Variants in IFT88 observed in about 807,000 individuals in gnomAD.
IFT88 encodes intraflagellar transport 88, also known as intraflagellar transport protein 88 homolog.
Under a neutral mutation model 119.5 loss-of-function variants are expected in IFT88, and 74 were observed. The ratio of observed to expected loss-of-function variants is 0.62; its 90% CI spans 0.51 to 0.75. The LOEUF (loss-of-function observed/expected upper bound fraction) is 0.75, where lower values mean the gene tolerates loss of function less well. Ranked by LOEUF, IFT88 falls within the 30% of genes least tolerant of loss-of-function variation. IFT88 has a pLI of 0.00. For missense variants in IFT88, 961 were observed against 977.7 expected, an observed-to-expected ratio of 0.98 and a Z score of 0.23; for synonymous variants, 279 against 316.7, an observed-to-expected ratio of 0.88 and a Z score of 1.26.
At chr13:20,574,022 T>C (rs1185224002) in intron 1 of IFT88, among the ~76,000 whole-genome samples, 1 of 152,220 alleles carries the variant, frequency 6.6e-6, no homozygotes, top group African/African-American at 2.4e-5. Flanking sequence ...AGTTATACTT[T>C]ATTGGAATTA....
At chr13:20,601,134 G>T (rs1031053569) in intron 11 of IFT88, among the ~76,000 whole-genome samples, 1 of 152,226 alleles carries the variant, frequency 6.6e-6, no homozygotes, top group African/African-American at 2.4e-5. Flanking sequence ...GGGAGGCCGA[G>T]GCGGGCGAAT....
chr13:20,666,165 A>G (rs2140904091), intron 23 of IFT88, among the ~76,000 whole-genome samples: 1 of 152,310 alleles, frequency 6.6e-6, no homozygotes, highest in South Asian at 2.1e-4. Flanking sequence ...CCATTGGTCA[A>G]CCGTGTGATC....
intron 14 of IFT88, among the ~76,000 whole-genome samples, chr13:20,622,743 A>G (rs541969524): frequency 6.6e-6 from 1 of 152,272 alleles, no homozygotes; most frequent in Non-Finnish European, 1.5e-5. Flanking sequence ...TATCAGATGC[A>G]TGATTTGCAA....
At chr13:20,584,600 A>T (rs994394731) in intron 3 of IFT88, among the ~76,000 whole-genome samples, 1 of 152,082 alleles carries the variant, frequency 6.6e-6, no homozygotes, top group Non-Finnish European at 1.5e-5. Flanking sequence ...AGTTTTTTTC[A>T]GTATTAGTAT....
intron 22 of IFT88, among the ~76,000 whole-genome samples, chr13:20,661,521 C>T (rs2053779348): frequency 6.6e-6 from 1 of 152,062 alleles, no homozygotes; most frequent in Non-Finnish European, 1.5e-5. Flanking sequence ...GAATCACGAG[C>T]CAGGAGTTCA....
intron 14 of IFT88, among the ~76,000 whole-genome samples, chr13:20,623,660 T>C (rs1278810789): frequency 6.6e-6 from 1 of 152,096 alleles, no homozygotes; most frequent in African/African-American, 2.4e-5. Flanking sequence ...GTATTTTTAG[T>C]AGAGATGGGT....
chr13:20,625,777 A>G lies in IFT88; in HGVS notation c.1227A>G (p.Gln409=), dbSNP rs2047197064. The stretch of plus-strand genomic sequence containing the variant: ...GCGTGGAAGTGGTGAAAGCTTCTCA[A>G]TATGTAGAGCTAGCCAATGATCTGG... ...DWCVEVVKAS[Q]YVELANDLEI... Residue 409 remains glutamine (Q), a synonymous_variant, in exon 15 of 26, where the codon CAA becomes CAG. Transcript: ENST00000351808. 6.2e-7 allele frequency: 1 copy of G among 1,606,164 alleles called. No individual in the cohort carries two copies. Among genetic ancestry groups the G allele is most frequent in the Middle Eastern group, 1.7e-4 (1 of 5,804 alleles).
intron 24 of IFT88, among the ~76,000 whole-genome samples, chr13:20,680,221 C>A (rs2057158859): frequency 1.3e-5 from 2 of 152,148 alleles, no homozygotes; most frequent in South Asian, 4.1e-4. Flanking sequence ...TACATTCAGG[C>A]ACTATCGCCA....
intron 12 of IFT88, among the ~76,000 whole-genome samples, chr13:20,604,112 C>T (rs1346877489): frequency 6.6e-6 from 1 of 151,968 alleles, no homozygotes. Context: ...CATGGTGGCA[C>T]ATGTCTGTAG....
intron 20 of IFT88, among the ~76,000 whole-genome samples, chr13:20,652,634 A>G (rs912234199): frequency 6.6e-6 from 1 of 152,090 alleles, no homozygotes; most frequent in African/African-American, 2.4e-5. Flanking sequence ...AAAAAGTTAC[A>G]TACTATATGA....
Position 20,608,478 on chromosome 13 carries a change from C to T in IFT88, c.1112+3373C>T, listed in dbSNP as rs1025962484. Among the ~76,000 whole-genome samples the T allele has an allele frequency of 4.6e-5, 7 of 152,318 alleles. No individual in the cohort carries two copies. In the East Asian group the frequency reaches 5.8e-4, roughly 13 times the overall value. ...TTTCCATGTGGAATTATTCCCCAAACGGTGTATCTCAAAACACTTGTGTCT... is the reference window on the plus strand; with the variant it reads ...TTTCCATGTGGAATTATTCCCCAAATGGTGTATCTCAAAACACTTGTGTCT... On this transcript the variant is annotated intron_variant, in intron 13 of 25. Coordinates refer to ENST00000351808, the MANE Select transcript of IFT88 (RefSeq NM_006531.5).
At chr13:20,571,007 T>C (rs909700373) in intron 1 of IFT88, among the ~76,000 whole-genome samples, 1 of 152,104 alleles carries the variant, frequency 6.6e-6, no homozygotes, top group Non-Finnish European at 1.5e-5. Context: ...ATTTATTTAT[T>C]TTTTGAGACA....
chr13:20,644,776 G>A (rs2050483196), intron 19 of IFT88, 67 bp from the exon 20 acceptor site: 2 of 705,628 alleles, frequency 2.8e-6, no homozygotes, highest in Non-Finnish European at 5.0e-6. Flanking sequence ...AATAGGTAAA[G>A]TATTCAAGAA....
chr13:20,582,523 G>A (rs922947294), intron 2 of IFT88, among the ~76,000 whole-genome samples: 2 of 151,970 alleles, frequency 1.3e-5, no homozygotes, highest in African/African-American at 4.8e-5. Flanking sequence ...CCTGCTTGTA[G>A]AAAATATGGC....
chr13:20,596,133 G>A lies in IFT88; in HGVS notation c.399-17G>A, dbSNP rs760624985. The A allele has an allele frequency of 1.0e-5, 11 of 1,050,942 alleles. No individual in the cohort carries two copies. The highest frequency in any genetic ancestry group is 2.3e-4 in the Middle Eastern group (1 of 4,260). 65.1% of individuals were successfully genotyped at this position (1,050,942 alleles called of 1,614,324 possible). On this transcript the variant is annotated splice_polypyrimidine_tract_variant and intron_variant, in intron 7 of 25. Transcript: ENST00000351808. ...AGGTTGAATGATTTAAATTGTACCT[G>A]CTTTTGTCTTTAATAGCCCAGAGGA...
In IFT88 at chr13:20,607,177, G is replaced by A. The variant is rs540513210; in HGVS notation, c.1112+2072G>A. The A allele has an allele frequency of 1.2e-3, 463 of 395,638 alleles. 5 individuals are homozygous for A. Among genetic ancestry groups the A allele is most frequent in the African/African-American group, 8.2e-3 (389 of 47,636 alleles). The allele number at this position is 395,638 out of a possible 1,614,324, so 24.5% of individuals were successfully genotyped here. A position where few individuals can be genotyped will look rare whatever the true frequency, so the allele number is the denominator to read the frequency against. ...TACTGTACGTGGGGCTCCTGCTGCT[G>A]CTGCACGCCTGGCGCTTGCCCCCTG... On this transcript the variant is annotated intron_variant, in intron 13 of 25. Coordinates refer to ENST00000351808, the MANE Select transcript of IFT88 (RefSeq NM_006531.5).
chr13:20,567,742 C>G, intron 1 of IFT88: 1 of 1,307,596 alleles, frequency 7.6e-7, no homozygotes, highest in Non-Finnish European at 9.8e-7. Context: ...ATGCAGAAAG[C>G]GGTACTTAGC....
intron 14 of IFT88, 136 bp downstream of exon 14, chr13:20,616,015 GT>G (rs1481369066): frequency 4.2e-6 from 2 of 478,310 alleles, no homozygotes; most frequent in East Asian, 7.0e-5. Flanking sequence ...AATATTGTAT[GT>G]TCAGATTAAT....
chr13:20,675,623 T>C (rs1194378132), intron 24 of IFT88, among the ~76,000 whole-genome samples: 3 of 152,200 alleles, frequency 2.0e-5, no homozygotes, highest in Admixed American at 1.3e-4. Context: ...GTAAATAGTT[T>C]AGGCTTGCAG....
Sources: gnomAD v4.1 joint callset for allele counts (sites outside exome capture counted in the v4.1 genomes callset) on GRCh38, gnomAD v4.1.1 for gene constraint, MANE v1.5 for transcripts, NCBI Gene and HGNC (gene_info 2026-07-23, HGNC 2026-07-21) for gene names.